Variants in DOCK7 observed in about 807,000 individuals in gnomAD.
DOCK7 encodes dedicator of cytokinesis protein 7.
A neutral mutation model predicts 271.0 loss-of-function variants in DOCK7; 138 were observed. The ratio of observed to expected loss-of-function variants is 0.51; its 90% CI spans 0.44 to 0.59. DOCK7 has a LOEUF of 0.59. Ranked by LOEUF, DOCK7 falls within the 20% of genes least tolerant of loss-of-function variation. The probability of loss-of-function intolerance (pLI) is 0.00; values close to 1 mark genes in which losing one functional copy is unlikely to be tolerated. For synonymous variants in DOCK7, 823 were observed against 876.1 expected (o/e 0.94, Z 1.07); for missense variants, 2,066 against 2,592.4 (o/e 0.80, Z 4.41).
chr1:62,604,340 A>G (rs1650623375), intron 14 of DOCK7: 1 of 1,413,062 alleles, frequency 7.1e-7, no homozygotes, highest in Non-Finnish European at 9.8e-7. Context: ...CGAATCCCAA[A>G]TAAGCGTTTT....
chr1:62,640,329 T>C (rs899111289), intron 7 of DOCK7, among the ~76,000 whole-genome samples: 1 of 151,762 alleles, frequency 6.6e-6, no homozygotes, highest in African/African-American at 2.4e-5. Flanking sequence ...CTGGCCAACA[T>C]GGCCAACATG....
intron 27 of DOCK7, among the ~76,000 whole-genome samples, chr1:62,538,401 T>C (rs1225816322): frequency 1.3e-5 from 2 of 152,260 alleles, no homozygotes; most frequent in East Asian, 3.8e-4. Context: ...TCAATTCTTT[T>C]TATAGCACTT....
At chr1:62,470,208 T>A (rs1645792018) in intron 48 of DOCK7, among the ~76,000 whole-genome samples, 1 of 152,160 alleles carries the variant, frequency 6.6e-6, no homozygotes, top group African/African-American at 2.4e-5. Context: ...CTGTGGTGTA[T>A]ACATACGATG....
At chr1:62,655,967 G>T (rs1185965586) in intron 2 of DOCK7, among the ~76,000 whole-genome samples, 1 of 151,874 alleles carries the variant, frequency 6.6e-6, no homozygotes, top group Non-Finnish European at 1.5e-5. Context: ...TTTGAAACTG[G>T]GTTTTCGAGC....
chr1:62,552,981 G>T, intron 21 of DOCK7, 80 bp from the exon 22 acceptor site: 2 of 1,052,070 alleles, frequency 1.9e-6, no homozygotes, highest in East Asian at 3.1e-5. Context: ...TGCCACTTTA[G>T]AAAATTCCAC....
chr1:62,532,831 A>T (rs1403085801), intron 29 of DOCK7, among the ~76,000 whole-genome samples: 2 of 152,220 alleles, frequency 1.3e-5, no homozygotes, highest in African/African-American at 4.8e-5. Flanking sequence ...AGAGAAACAG[A>T]AAGTAGGCCA....
intron 41 of DOCK7, among the ~76,000 whole-genome samples, chr1:62,491,592 T>C (rs1345725437): frequency 2.0e-5 from 3 of 152,224 alleles, no homozygotes; most frequent in Non-Finnish European, 4.4e-5. Context: ...TTCATAAAAC[T>C]AAAGAGTAAG....
At chr1:62,552,986 T>C in intron 21 of DOCK7, 85 bp from the exon 22 acceptor site, 1 of 1,077,130 alleles carries the variant, frequency 9.3e-7, no homozygotes, top group Non-Finnish European at 1.2e-6. Context: ...CTTTAGAAAA[T>C]TCCACAAAGA....
At chr1:62,500,835 C>T (rs1646761375) in intron 37 of DOCK7, among the ~76,000 whole-genome samples, 1 of 152,136 alleles carries the variant, frequency 6.6e-6, no homozygotes, top group African/African-American at 2.4e-5. Context: ...TTCATAACCA[C>T]CCTTGCTGTC....
chr1:62,492,681 A>G, intron 41 of DOCK7, 23 bp downstream of exon 41: 1 of 1,613,488 alleles, frequency 6.2e-7, no homozygotes. Context: ...ACTGTGGGAA[A>G]AGAATTAACA....
Position 62,555,890 on chromosome 1 carries a change from A to G in DOCK7, c.2531T>C (p.Leu844Pro). The G allele has an allele frequency of 1.9e-6, 3 of 1,613,948 alleles. No homozygotes were observed. Among genetic ancestry groups the G allele is most frequent in the South Asian group, 1.1e-5 (1 of 91,076 alleles). The change falls in exon 21 of 50, where the codon CTT becomes CCT. Residue 844 changes from leucine to proline, a missense_variant. Around this residue, in one of 2 missense-constraint regions of DOCK7, gnomAD observed 1,414 missense variants for 1,670.4 expected, o/e 0.85. Transcript: ENST00000635253. ...AACATAATGAATATATGATGCAAGA[A>G]GGCTGTTTCTGCCATGCTGGTCATG... ...GNHDQHGRNS[L>P]LASYIHYVFR...
At chr1:62,573,689 G>A (rs2149474462) in intron 18 of DOCK7, among the ~76,000 whole-genome samples, 1 of 152,186 alleles carries the variant, frequency 6.6e-6, no homozygotes, top group Non-Finnish European at 1.5e-5. Context: ...TCAGGACACT[G>A]TGAATATACT....
At chr1:62,578,712 T>C (rs1226205749) in intron 17 of DOCK7, 116 bp downstream of exon 17, 3 of 839,408 alleles carry the variant, frequency 3.6e-6, no homozygotes, top group Non-Finnish European at 4.9e-6. Flanking sequence ...ACAGAGACTC[T>C]GTCTCAAAAA....
At chr1:62,537,585 CAAAAA>C (rs34404898) in intron 28 of DOCK7, among the ~76,000 whole-genome samples, 5 of 106,648 alleles carry the variant, frequency 4.7e-5, no homozygotes, top group Admixed American at 9.5e-5. Context: ...GACTCTGTCT[CAAAAA>C]AAAAAAAAAA....
intron 14 of DOCK7, among the ~76,000 whole-genome samples, chr1:62,617,506 T>C (rs540059533): frequency 6.6e-6 from 1 of 152,132 alleles, no homozygotes; most frequent in East Asian, 1.9e-4. Context: ...CTGTCTAATA[T>C]GGTAGCCTTT....
intron 18 of DOCK7, among the ~76,000 whole-genome samples, chr1:62,563,889 A>G (rs1192379312): frequency 1.6e-5 from 2 of 123,206 alleles, no homozygotes; most frequent in East Asian, 2.2e-4. Context: ...AAAAAAAAAA[A>G]AAAAAAAAAA....
chr1:62,479,654 A>G (rs1646062450), intron 43 of DOCK7: 3 of 298,216 alleles, frequency 1.0e-5, no homozygotes, highest in Non-Finnish European at 2.1e-5. Context: ...ATATACATAT[A>G]CATTCCTACT....
At position 62,495,596 on chromosome 1, in the gene DOCK7, A is replaced by G. The variant is rs1646598320; in HGVS notation, c.5009T>C (p.Ile1670Thr). The change falls in exon 39 of 50, where the codon ATT becomes ACT. Residue 1670 changes from isoleucine (I) to threonine (T), a missense_variant. Transcript: ENST00000635253. ...TAAATGCTACCTGTACATTAGATCAATCAACATTTCAGGATCCTCCTGGTG... is the reference window on the plus strand; with the variant it reads ...TAAATGCTACCTGTACATTAGATCAGTCAACATTTCAGGATCCTCCTGGTG... ...KEHQEDPEMLIDLMYRIAKGY... is the reference protein window; with the variant it reads ...KEHQEDPEMLTDLMYRIAKGY... 5.0e-6 allele frequency: 8 copies of G among 1,586,676 alleles called. No homozygotes were observed. The highest frequency in any genetic ancestry group is 2.4e-5 in the South Asian group (2 of 85,082).
chr1:62,684,513 C>T (rs1661518626), intron 1 of DOCK7, among the ~76,000 whole-genome samples: 1 of 152,168 alleles, frequency 6.6e-6, no homozygotes, highest in Admixed American at 6.5e-5. Context: ...GAATTTCAAC[C>T]TGTGCAATCT....
Sources: allele counts gnomAD v4.1 joint callset (sites outside exome capture counted in the v4.1 genomes callset), GRCh38; gene constraint gnomAD v4.1.1; regional missense constraint gnomAD v4.1.1; transcripts MANE v1.5; gene names NCBI Gene and HGNC (gene_info 2026-07-23, HGNC 2026-07-21).